SLC24A2: variants seen among roughly 807,000 people sequenced by gnomAD.
SLC24A2 encodes the protein sodium/potassium/calcium exchanger 2.
In SLC24A2, 36 loss-of-function variants were observed where a neutral mutation model predicts 62.0. The ratio of observed to expected loss-of-function variants is 0.58; its 90% confidence interval spans 0.44 to 0.77. The LOEUF is 0.77. SLC24A2 is among the 30% of genes least tolerant of loss of function. The probability of loss-of-function intolerance (pLI) is 0.00; values close to 1 mark genes in which losing one functional copy is unlikely to be tolerated. For synonymous variants in SLC24A2, 358 were observed against 294.0 expected (o/e 1.22, Z -2.23); for missense variants, 846 against 817.9 (o/e 1.03, Z -0.42).
the SLC24A2 span, among the ~76,000 whole-genome samples, chr9:19,879,094 G>C: frequency 6.6e-6 from 1 of 152,076 alleles, no homozygotes; most frequent in South Asian, 2.1e-4. Context: ...ATTCCTCCTT[G>C]TCTTTTTTTC....
chr9:20,290,904 T>C, the SLC24A2 span, among the ~76,000 whole-genome samples: 1 of 152,182 alleles, frequency 6.6e-6, no homozygotes, highest in Non-Finnish European at 1.5e-5. Context: ...TCAAGAGGAC[T>C]GGACCACCTA....
the SLC24A2 span, among the ~76,000 whole-genome samples, chr9:19,996,746 A>G: frequency 1.4e-5 from 1 of 73,862 alleles, no homozygotes; most frequent in Middle Eastern, 7.8e-3. Flanking sequence ...ACTCCGTCTC[A>G]AAAAAAAAAA....
the SLC24A2 span, among the ~76,000 whole-genome samples, chr9:20,114,142 C>T: frequency 6.6e-6 from 1 of 152,188 alleles, no homozygotes; most frequent in South Asian, 2.1e-4. Context: ...GAGAGCTGAA[C>T]AGAAAGAGTG....
chr9:19,811,737 G>C, the SLC24A2 span, among the ~76,000 whole-genome samples: 1 of 152,096 alleles, frequency 6.6e-6, no homozygotes, highest in Admixed American at 6.5e-5. Flanking sequence ...TAAAACTTTA[G>C]ATACTTTTAA....
chr9:20,218,418 TCAC>T, the SLC24A2 span, among the ~76,000 whole-genome samples: 1 of 152,096 alleles, frequency 6.6e-6, no homozygotes, highest in South Asian at 2.1e-4. Context: ...TAAAACACTT[TCAC>T]CACCACCACA....
chr9:19,534,432 T>C (rs1416235327), intron 8 of SLC24A2, among the ~76,000 whole-genome samples: 5 of 152,196 alleles, frequency 3.3e-5, no homozygotes, highest in Non-Finnish European at 7.3e-5. Context: ...TAGGTATACA[T>C]GTGCCATGGT....
At chr9:19,756,346 C>CAA (rs1389071135) in intron 2 of SLC24A2, among the ~76,000 whole-genome samples, 1 of 151,984 alleles carries the variant, frequency 6.6e-6, no homozygotes, top group Non-Finnish European at 1.5e-5. Flanking sequence ...AAAATAAATC[C>CAA]AAAGGGACTC....
chr9:19,900,432 C>T, the SLC24A2 span, among the ~76,000 whole-genome samples: 4 of 152,156 alleles, frequency 2.6e-5, no homozygotes, highest in Non-Finnish European at 1.5e-5. Flanking sequence ...CTCCCTCTTC[C>T]CTACTCGCCT....
At chr9:20,288,725 G>C in the SLC24A2 span, among the ~76,000 whole-genome samples, 1 of 145,352 alleles carries the variant, frequency 6.9e-6, no homozygotes, top group Admixed American at 6.9e-5. Context: ...GCCACTGATG[G>C]AGTGAGACTC....
intron 2 of SLC24A2, among the ~76,000 whole-genome samples, chr9:19,719,806 C>T (rs1383112448): frequency 6.6e-6 from 1 of 152,124 alleles, no homozygotes; most frequent in Non-Finnish European, 1.5e-5. Flanking sequence ...TTGAATCATG[C>T]TCTCTTTGGG....
chr9:20,036,896 A>T, the SLC24A2 span, among the ~76,000 whole-genome samples: 1 of 139,990 alleles, frequency 7.1e-6, no homozygotes, highest in Non-Finnish European at 1.5e-5. Flanking sequence ...GTGTGCGTAT[A>T]TATATGTATG....
chr9:19,608,481 G>T (rs2132929201), intron 4 of SLC24A2, among the ~76,000 whole-genome samples: 1 of 152,288 alleles, frequency 6.6e-6, no homozygotes. Flanking sequence ...ACAGACAGAT[G>T]TGTGAACATG....
chr9:20,217,944 A>G, the SLC24A2 span, among the ~76,000 whole-genome samples: 36 of 152,162 alleles, frequency 2.4e-4, no homozygotes, highest in Admixed American at 2.0e-3. Context: ...GCGTTTTCCA[A>G]TGAACTCAAA....
chr9:19,903,793 G>T, the SLC24A2 span, among the ~76,000 whole-genome samples: 1 of 152,174 alleles, frequency 6.6e-6, no homozygotes, highest in Non-Finnish European at 1.5e-5. Flanking sequence ...GCAAAAAAGC[G>T]GTGGAAGGGA....
chr9:19,961,380 T>C, the SLC24A2 span, among the ~76,000 whole-genome samples: 1 of 152,204 alleles, frequency 6.6e-6, no homozygotes, highest in Admixed American at 6.5e-5. Flanking sequence ...TTTGACAGTA[T>C]TTCCACAAAA....
At chr9:20,093,625 T>C in the SLC24A2 span, among the ~76,000 whole-genome samples, 1 of 152,242 alleles carries the variant, frequency 6.6e-6, no homozygotes, top group African/African-American at 2.4e-5. Context: ...ACATGTTTTA[T>C]TCCTTTGTAG....
intron 2 of SLC24A2, among the ~76,000 whole-genome samples, chr9:19,679,348 T>C (rs1012945810): frequency 1.3e-5 from 2 of 152,232 alleles, no homozygotes; most frequent in South Asian, 2.1e-4. Flanking sequence ...ACACCTTCCT[T>C]AGAGGTTGTT....
At chr9:20,115,598 A>C in the SLC24A2 span, among the ~76,000 whole-genome samples, 1 of 152,158 alleles carries the variant, frequency 6.6e-6, no homozygotes, top group Non-Finnish European at 1.5e-5. Flanking sequence ...TGAACACGTC[A>C]AACTTGATTT....
chr9:19,756,723 G>A (rs150965669), intron 2 of SLC24A2, among the ~76,000 whole-genome samples: 11 of 152,120 alleles, frequency 7.2e-5, no homozygotes, highest in African/African-American at 2.7e-4. Context: ...CTCCATTTCA[G>A]ACCAGGCTCT....
Sources: allele counts gnomAD v4.1 joint callset (sites outside exome capture counted in the v4.1 genomes callset), GRCh38; gene constraint gnomAD v4.1.1; transcripts MANE v1.5; gene names NCBI Gene and HGNC (gene_info 2026-07-23, HGNC 2026-07-21).